KIAA0319: variants seen among roughly 807,000 people sequenced by gnomAD.
KIAA0319 encodes dyslexia-associated protein KIAA0319.
A neutral mutation model predicts 108.4 loss-of-function variants in KIAA0319; 83 were observed. The observed-to-expected ratio is 0.77, with a 90% CI of 0.64 to 0.92. The LOEUF is 0.92. Ranked by LOEUF, KIAA0319 falls within the 40% of genes least tolerant of loss-of-function variation. The pLI is 0.00. For synonymous variants in KIAA0319, 484 were observed against 510.4 expected (o/e 0.95, Z 0.70); for missense variants, 1,195 against 1,322.4 (o/e 0.90, Z 1.49).
rs372486169 is a variant in KIAA0319 at position 24,611,943 on chromosome 6, C to T, written c.-105-10735G>A. Reference sequence around the variant, plus strand: ...ATATGGACCTGTAGTCCCAGCTACTCAGAAGGCTGAGGCAAGAGGATCACT... The same window carrying T: ...ATATGGACCTGTAGTCCCAGCTACTTAGAAGGCTGAGGCAAGAGGATCACT... On this transcript the variant is annotated intron_variant, in intron 1 of 20. Transcript: ENST00000378214. Among the ~76,000 whole-genome samples the T allele has an allele frequency of 4.7e-4, 71 of 150,912 alleles. No individual in the cohort carries two copies. The East Asian group carries it at 0.013, about 28-fold the overall frequency.
At chr6:24,569,233 C>T (rs1230345834) in intron 12 of KIAA0319, among the ~76,000 whole-genome samples, 3 of 152,160 alleles carry the variant, frequency 2.0e-5, no homozygotes, top group African/African-American at 7.2e-5. Flanking sequence ...ACTCCCATTT[C>T]TTCTTTGAAT....
chr6:24,615,426 G>A (rs1272510531), intron 1 of KIAA0319, among the ~76,000 whole-genome samples: 3 of 151,710 alleles, frequency 2.0e-5, no homozygotes, highest in African/African-American at 7.3e-5. Flanking sequence ...TATCCTATTT[G>A]CTTGTATTTG....
rs201729940 is a variant in KIAA0319, at chr6:24,568,956, A to C, written c.1992-27T>G. The C allele has an allele frequency of 3.4e-5, 55 of 1,609,026 alleles. No homozygotes were observed. In the East Asian group the frequency reaches 1.2e-3, roughly 36 times the overall value. ...TATAAAACATAGAAGTGGTTAACAT[A>C]AGGGAGGGGGCATGGGGTTTTGAAT... is the stretch of plus-strand genomic sequence containing the variant. On this transcript the variant is annotated intron_variant, in intron 12 of 20. Coordinates refer to ENST00000378214, the MANE Select transcript of KIAA0319 (RefSeq NM_014809.4).
intron 1 of KIAA0319, among the ~76,000 whole-genome samples, chr6:24,644,992 T>C (rs554617286): frequency 1.3e-4 from 20 of 152,362 alleles, no homozygotes; most frequent in African/African-American, 4.8e-4. Context: ...TAGTAGTCTC[T>C]ACAATTGTGG....
At chr6:24,590,660 AC>A (rs1768338739) in intron 3 of KIAA0319, among the ~76,000 whole-genome samples, 1 of 152,232 alleles carries the variant, frequency 6.6e-6, no homozygotes, top group Non-Finnish European at 1.5e-5. Flanking sequence ...ATGAAGGTAG[AC>A]AGTGGTCAGA....
At chr6:24,580,194 A>G (rs1353723189) in intron 7 of KIAA0319, among the ~76,000 whole-genome samples, 4 of 152,168 alleles carry the variant, frequency 2.6e-5, no homozygotes, top group Non-Finnish European at 5.9e-5. Context: ...TACAATAATA[A>G]CCAAGGGGCT....
rs72393319 is a variant in KIAA0319, at chr6:24,553,274, GATATAT to G, written c.2948+1261_2948+1266del. Among the ~76,000 whole-genome samples the G allele has an allele frequency of 4.3e-4, 44 of 102,062 alleles. 1 individual carries two copies. Among genetic ancestry groups the G allele is most frequent in the African/African-American group, 1.7e-3 (43 of 25,366 alleles). The allele number at this position is 102,062 out of a possible 152,430, so 67.0% of individuals were successfully genotyped here. A position where few individuals can be genotyped will look rare whatever the true frequency, so the allele number is the denominator to read the frequency against. On this transcript the variant is annotated intron_variant, in intron 19 of 20. Coordinates refer to ENST00000378214, the MANE Select transcript of KIAA0319 (RefSeq NM_014809.4). ...AGGCCACTTAGGTACTTGTGAGATA[GATATAT>G]ATATATATATATATACACACACACA...
At position 24,570,006 on chromosome 6, in the gene KIAA0319, C is replaced by T. The variant is rs748551202; in HGVS notation, c.1888G>A (p.Gly630Ser). The T allele has an allele frequency of 1.2e-5, 19 of 1,613,890 alleles. No individual in the cohort carries two copies. Among genetic ancestry groups the T allele is most frequent in the Middle Eastern group, 3.3e-4 (2 of 6,052 alleles). ...ENNRPPVAVA[G>S]PDKELIFPVE... ...GGGAAGATCAGCTCTTTATCAGGGC[C>T]GGCCACAGCCACTGGAGGTCTATTG... The change falls in exon 12 of 21, where the codon GGC becomes AGC. Residue 630 changes from glycine (G) to serine (S), a missense_variant. Coordinates refer to ENST00000378214, the MANE Select transcript of KIAA0319 (RefSeq NM_014809.4).
chr6:24,625,019 T>C (rs1488846872), intron 1 of KIAA0319, among the ~76,000 whole-genome samples: 1 of 152,226 alleles, frequency 6.6e-6, no homozygotes, highest in East Asian at 1.9e-4. Flanking sequence ...GAGCTATAGC[T>C]GCACCACTGC....
At chr6:24,622,251 C>T (rs1477384087) in intron 1 of KIAA0319, among the ~76,000 whole-genome samples, 1 of 149,220 alleles carries the variant, frequency 6.7e-6, no homozygotes, top group Non-Finnish European at 1.5e-5. Context: ...GCCAAGTATC[C>T]TGATCAGTGG....
In KIAA0319 at chr6:24,645,840, T is replaced by C. The variant is rs958900505; in HGVS notation, c.-210A>G. 7 of 140,290 alleles carry C rather than the reference T, an allele frequency of 5.0e-5. No individual in the cohort carries two copies. Among genetic ancestry groups the C allele is most frequent in the East Asian group, 2.1e-4 (1 of 4,690 alleles). The allele number at this position is 140,290 out of a possible 1,614,324, so 8.7% of individuals were successfully genotyped here. A position where few individuals can be genotyped will look rare whatever the true frequency, so the allele number is the denominator to read the frequency against. On this transcript the variant is annotated 5_prime_UTR_variant, in exon 1 of 21. Transcript: ENST00000378214. The stretch of plus-strand genomic sequence containing the variant: ...TCCTCCTCGTCGTCATCGCAGGTCT[T>C]ACACACACACACACACACACACACA...
intron 12 of KIAA0319, 58 bp downstream of exon 12, chr6:24,569,845 G>C (rs1764429458): frequency 1.3e-6 from 2 of 1,576,822 alleles, no homozygotes; most frequent in African/African-American, 1.4e-5. Context: ...CTCCAGAGAA[G>C]GGATAATATT....
Position 24,556,656 on chromosome 6 carries a change from C to G in KIAA0319, c.2808G>C (p.Trp936Cys), listed in dbSNP as rs1240767169. ...TATAACGCTGTATAAGGTTCTCCAT[C>G]CATAAGTGAGAGCAAATGCAGCGCT... is the stretch of plus-strand genomic sequence containing the variant. ...LTKRCICSHLWMENLIQRYIW... is the reference protein window; with the variant it reads ...LTKRCICSHLCMENLIQRYIW... Residue 936 changes from tryptophan to cysteine, a missense_variant, in exon 18 of 21, where the codon TGG (tryptophan) becomes TGC (cysteine). Coordinates refer to ENST00000378214, the MANE Select transcript of KIAA0319 (RefSeq NM_014809.4). 10 of 1,613,924 alleles carry G rather than the reference C, an allele frequency of 6.2e-6. No homozygotes were observed. In the South Asian group the frequency reaches 8.8e-5, roughly 14 times the overall value.
chr6:24,638,941 C>T (rs1362871923), intron 1 of KIAA0319, among the ~76,000 whole-genome samples: 2 of 151,984 alleles, frequency 1.3e-5, no homozygotes, highest in Non-Finnish European at 2.9e-5. Flanking sequence ...AACAAAGAAA[C>T]AGTCAATAAA....
At chr6:24,580,840 A>C (rs530110496) in intron 7 of KIAA0319, 86 bp downstream of exon 7, 2 of 789,698 alleles carry the variant, frequency 2.5e-6, no homozygotes, top group South Asian at 3.1e-5. Flanking sequence ...CTCTAGGTAG[A>C]TAGGTAGACA....
chr6:24,583,591 G>A lies in KIAA0319; in HGVS notation c.1093+13C>T. 1 of 1,589,252 alleles carries A rather than the reference G, an allele frequency of 6.3e-7. No individual in the cohort carries two copies. The highest frequency in any genetic ancestry group is 8.6e-7 in the Non-Finnish European group (1 of 1,157,966). On this transcript the variant is annotated intron_variant, in intron 5 of 20. Transcript: ENST00000378214. ...CAGTTCCTAGTGGTCAGGGAGGAAG[G>A]TTAAACTCTCACCTACAGGTGGCGC...
chr6:24,640,500 T>A (rs997721344), intron 1 of KIAA0319, among the ~76,000 whole-genome samples: 7 of 151,946 alleles, frequency 4.6e-5, no homozygotes, highest in African/African-American at 1.4e-4. Flanking sequence ...GATAAGAAGA[T>A]GAAAAAAGGT....
chr6:24,643,702 A>G (rs1455328483), intron 1 of KIAA0319, among the ~76,000 whole-genome samples: 2 of 152,234 alleles, frequency 1.3e-5, no homozygotes, highest in Admixed American at 6.5e-5. Flanking sequence ...AGGTATGAAA[A>G]ATATTTCCTG....
intron 3 of KIAA0319, among the ~76,000 whole-genome samples, chr6:24,590,535 G>A (rs1045295237): frequency 6.6e-6 from 1 of 152,154 alleles, no homozygotes; most frequent in African/African-American, 2.4e-5. Context: ...GCAAACCAGG[G>A]CTGCAGAATA....
Sources: allele counts gnomAD v4.1 joint callset (sites outside exome capture counted in the v4.1 genomes callset), GRCh38; gene constraint gnomAD v4.1.1; transcripts MANE v1.5; gene names NCBI Gene and HGNC (gene_info 2026-07-23, HGNC 2026-07-21).